PCMTD1: variants seen among roughly 807,000 people sequenced by gnomAD.
The protein encoded by PCMTD1 is protein-L-isoaspartate O-methyltransferase domain-containing protein 1.
PCMTD1 carries 12 observed loss-of-function variants against 37.6 expected under a neutral mutation model. The ratio of observed to expected loss-of-function variants is 0.32; its 90% CI spans 0.20 to 0.52. The LOEUF (loss-of-function observed/expected upper bound fraction) is 0.52. Ranked by LOEUF, PCMTD1 falls within the 20% of genes least tolerant of loss-of-function variation. The pLI, the probability that PCMTD1 is intolerant of heterozygous loss-of-function variation, is 0.97. For synonymous variants in PCMTD1, 117 were observed against 135.8 expected, an observed-to-expected ratio of 0.86 and a Z score of 0.96; for missense variants, 235 against 421.3, an observed-to-expected ratio of 0.56 and a Z score of 3.87.
In PCMTD1 at chr8:51,817,810, G is replaced by C. The variant is rs1337789219; in HGVS notation, c.*2541C>G. On this transcript the variant is annotated 3_prime_UTR_variant, in exon 6 of 6. Transcript: ENST00000522514. ...TTAAATTATCTTCTTGGGTTGGTCT[G>C]AGGTTGCTGATGGATTCTTGGGATT... 2.2e-6 allele frequency: 1 copy of C among 456,568 alleles called. No homozygotes were observed. Among genetic ancestry groups the C allele is most frequent in the Non-Finnish European group, 4.4e-6 (1 of 226,950 alleles). The allele number at this position is 456,568 out of a possible 1,614,324, so 28.3% of individuals were successfully genotyped here.
intron 1 of PCMTD1, among the ~76,000 whole-genome samples, chr8:51,892,752 T>A (rs951888389): frequency 2.6e-5 from 4 of 152,210 alleles, no homozygotes; most frequent in Admixed American, 6.5e-5. Context: ...CATAGAGATA[T>A]ATGGTTATGT....
intron 3 of PCMTD1, among the ~76,000 whole-genome samples, chr8:51,840,073 C>G (rs186689509): frequency 2.6e-5 from 4 of 152,154 alleles, no homozygotes; most frequent in Admixed American, 2.6e-4. Flanking sequence ...TTTACATTTT[C>G]AAGTGTTTTC....
At chr8:51,871,331 G>T (rs1240704379) in intron 1 of PCMTD1, among the ~76,000 whole-genome samples, 1 of 152,174 alleles carries the variant, frequency 6.6e-6, no homozygotes, top group Non-Finnish European at 1.5e-5. Context: ...AAGTTAAAGC[G>T]AAGAAAAGAC....
At chr8:51,866,395 A>G (rs1468731984) in intron 1 of PCMTD1, among the ~76,000 whole-genome samples, 2 of 152,050 alleles carry the variant, frequency 1.3e-5, no homozygotes, top group Non-Finnish European at 2.9e-5. Context: ...AAGCTATAGT[A>G]ATCAAAGCAG....
At chr8:51,891,285 A>G (rs2038931807) in intron 1 of PCMTD1, among the ~76,000 whole-genome samples, 1 of 152,192 alleles carries the variant, frequency 6.6e-6, no homozygotes, top group South Asian at 2.1e-4. Flanking sequence ...CGGGCAAGGT[A>G]GCTTTCTCCT....
At chr8:51,863,461 C>T (rs925763) in intron 1 of PCMTD1, among the ~76,000 whole-genome samples, 104,551 of 152,172 alleles carry the variant, frequency 0.69, 42,404 homozygotes, top group Non-Finnish European at 0.9. Flanking sequence ...AAACACTGTA[C>T]TGAGTGTATT....
At chr8:51,822,134 C>A (rs1234103383) in intron 5 of PCMTD1, among the ~76,000 whole-genome samples, 1 of 152,074 alleles carries the variant, frequency 6.6e-6, no homozygotes, top group East Asian at 1.9e-4. Context: ...ATCTTGCGGG[C>A]AGAGGGAACC....
At chr8:51,875,643 C>CAT (rs1195266732) in intron 1 of PCMTD1, among the ~76,000 whole-genome samples, 3 of 152,126 alleles carry the variant, frequency 2.0e-5, no homozygotes, top group Non-Finnish European at 2.9e-5. Context: ...AGTAAAGGAT[C>CAT]ATATAGTGTG....
chr8:51,898,899 G>T, intron 1 of PCMTD1, 31 bp downstream of exon 1: 1 of 1,308,002 alleles, frequency 7.6e-7, no homozygotes, highest in South Asian at 2.2e-5. Context: ...CACACCCCAC[G>T]ACCCCGAGCC....
rs1344203524 is a variant in PCMTD1, at chr8:51,861,214, A to G, written c.-63T>C. 5 of 1,495,306 alleles carry G rather than the reference A, an allele frequency of 3.3e-6. No homozygotes were observed. The African/African-American group carries it at 7.1e-5, about 21-fold the overall frequency. The allele number at this position is 1,495,306 out of a possible 1,614,324, so 92.6% of individuals were successfully genotyped here. A position where few individuals can be genotyped will look rare whatever the true frequency, so the allele number is the denominator to read the frequency against. ...ATAAAATTAGTAGAAATGGCTTCCA[A>G]TATTGCACTTGATTTCCAAAAATAA... On this transcript the variant is annotated 5_prime_UTR_variant, in exon 2 of 6. Transcript: ENST00000522514.
intron 1 of PCMTD1, among the ~76,000 whole-genome samples, 169 bp downstream of exon 1, chr8:51,898,759 TCA>T (rs2039049780): frequency 1.5e-5 from 1 of 66,530 alleles, no homozygotes; most frequent in South Asian, 4.4e-4. Context: ...CCGCAGCGCC[TCA>T]GTTTCCTGGC....
At chr8:51,830,653 C>G (rs2037985180) in intron 5 of PCMTD1, among the ~76,000 whole-genome samples, 1 of 152,182 alleles carries the variant, frequency 6.6e-6, no homozygotes, top group Admixed American at 6.5e-5. Context: ...AGCCAATGAG[C>G]TTCCACCACT....
chr8:51,859,507 C>T (rs534634700), intron 2 of PCMTD1, among the ~76,000 whole-genome samples: 2 of 152,166 alleles, frequency 1.3e-5, no homozygotes, highest in South Asian at 2.1e-4. Flanking sequence ...AACCCAGTTG[C>T]GGAATGAAAG....
At chr8:51,890,424 C>T (rs968676934) in intron 1 of PCMTD1, among the ~76,000 whole-genome samples, 6 of 151,976 alleles carry the variant, frequency 3.9e-5, no homozygotes, top group Non-Finnish European at 8.8e-5. Flanking sequence ...ATTTAAAATC[C>T]GCTCTAGCCG....
In PCMTD1 at chr8:51,845,778, G is replaced by A; in HGVS notation, c.308-15C>T. On this transcript the variant is annotated splice_polypyrimidine_tract_variant and intron_variant, in intron 2 of 5. Transcript: ENST00000522514. The stretch of plus-strand genomic sequence containing the variant: ...TCCAAAAGGACCTGCAATCGTAGCA[G>A]CATTTTTATAAAAAATATTAATAAT... 1 of 1,576,040 alleles carries A rather than the reference G, an allele frequency of 6.3e-7. No homozygotes were observed. Among genetic ancestry groups the A allele is most frequent in the Non-Finnish European group, 8.7e-7 (1 of 1,148,282 alleles).
At chr8:51,831,056 G>A (rs1563337106) in intron 5 of PCMTD1, among the ~76,000 whole-genome samples, 1 of 151,936 alleles carries the variant, frequency 6.6e-6, no homozygotes, top group African/African-American at 2.4e-5. Flanking sequence ...CCAGCACTTT[G>A]GGAGGCTGAG....
intron 5 of PCMTD1, among the ~76,000 whole-genome samples, chr8:51,823,485 T>C (rs2037877686): frequency 6.6e-6 from 1 of 152,078 alleles, no homozygotes; most frequent in African/African-American, 2.4e-5. Context: ...TAAAAAAAAG[T>C]TCTTTTGAAT....
intron 5 of PCMTD1, among the ~76,000 whole-genome samples, chr8:51,824,562 GA>G (rs1308848775): frequency 6.6e-6 from 1 of 152,140 alleles, no homozygotes; most frequent in Non-Finnish European, 1.5e-5. Flanking sequence ...CAAACAAATG[GA>G]AAAACATTCC....
chr8:51,823,949 A>T (rs1281047104), intron 5 of PCMTD1, among the ~76,000 whole-genome samples: 1 of 152,206 alleles, frequency 6.6e-6, no homozygotes, highest in Non-Finnish European at 1.5e-5. Context: ...AAAAAACCAT[A>T]TGACTATCTC....
Sources: allele counts gnomAD v4.1 joint callset (sites outside exome capture counted in the v4.1 genomes callset), GRCh38; gene constraint gnomAD v4.1.1; transcripts MANE v1.5; gene names NCBI Gene and HGNC (gene_info 2026-07-23, HGNC 2026-07-21).